The following C8orf34 variants were observed in gnomAD, a reference collection of about 807,000 sequenced individuals.
C8orf34 encodes the protein chromosome 8 open reading frame 34.
A neutral mutation model predicts 68.3 loss-of-function variants in C8orf34; 65 were observed. That is an observed-to-expected ratio of 0.95 (90% CI 0.78 to 1.17). C8orf34 has a LOEUF of 1.17. C8orf34 is among the 50% of genes most tolerant of loss of function. The probability of loss-of-function intolerance (pLI) is 0.00; values close to 1 mark genes in which losing one functional copy is unlikely to be tolerated. For synonymous variants in C8orf34, 244 were observed against 241.2 expected (o/e 1.01, Z -0.11); for missense variants, 664 against 655.4 (o/e 1.01, Z -0.14).
chr8:68,798,021 G>A (rs1422017324), intron 12 of C8orf34, among the ~76,000 whole-genome samples: 2 of 152,016 alleles, frequency 1.3e-5, no homozygotes, highest in African/African-American at 4.8e-5. Flanking sequence ...CATGAAGACA[G>A]CTAGAAAAAT....
chr8:68,690,784 T>C (rs778461270), intron 8 of C8orf34, among the ~76,000 whole-genome samples: 3 of 152,040 alleles, frequency 2.0e-5, no homozygotes, highest in Non-Finnish European at 2.9e-5. Flanking sequence ...CAAAGAAGTA[T>C]CAAAACCTAA....
intron 3 of C8orf34, among the ~76,000 whole-genome samples, chr8:68,453,837 A>G (rs1283176296): frequency 6.6e-6 from 1 of 152,008 alleles, no homozygotes; most frequent in East Asian, 1.9e-4. Flanking sequence ...GCAGGAAGGT[A>G]TCCTTTTCTC....
chr8:68,672,315 G>T (rs1820038571), intron 8 of C8orf34, among the ~76,000 whole-genome samples: 1 of 152,184 alleles, frequency 6.6e-6, no homozygotes, highest in Non-Finnish European at 1.5e-5. Context: ...AATCAGGTGA[G>T]CAATCACAGT....
At chr8:68,680,353 A>G (rs1326672547) in intron 8 of C8orf34, among the ~76,000 whole-genome samples, 3 of 152,308 alleles carry the variant, frequency 2.0e-5, no homozygotes, top group South Asian at 2.1e-4. Flanking sequence ...CACCCCCAAT[A>G]TTTCAATGTA....
chr8:68,676,597 A>G (rs1287528018), intron 8 of C8orf34, among the ~76,000 whole-genome samples: 1 of 152,184 alleles, frequency 6.6e-6, no homozygotes, highest in Non-Finnish European at 1.5e-5. Context: ...TCCTCAGCAC[A>G]TGGAAAAGAC....
rs556873455 is a variant in C8orf34, at chr8:68,537,078, CTTTG to C, written c.1105+3932_1105+3935del. 4.9e-3 allele frequency among the ~76,000 whole-genome samples: 745 copies of C among 152,150 alleles called. 2 individuals carry two copies. Among genetic ancestry groups the C allele is most frequent in the Non-Finnish European group, 8.4e-3 (569 of 67,928 alleles). ...AACTTTTATAAAGTAAATATTCACT[CTTTG>C]TTCTGTTTTTTAAATTGGAGGCTTC... On this transcript the variant is annotated intron_variant, in intron 7 of 13. Coordinates refer to ENST00000518698, the MANE Select transcript of C8orf34 (RefSeq NM_052958.4).
At chr8:68,792,829 T>A (rs1824049456) in intron 12 of C8orf34, among the ~76,000 whole-genome samples, 1 of 151,812 alleles carries the variant, frequency 6.6e-6, no homozygotes, top group Admixed American at 6.6e-5. Context: ...TATAAAGAGA[T>A]GGAAAATTGA....
At chr8:68,419,529 A>G (rs1279756300) in intron 1 of C8orf34, among the ~76,000 whole-genome samples, 1 of 151,970 alleles carries the variant, frequency 6.6e-6, no homozygotes, top group Non-Finnish European at 1.5e-5. Context: ...ACTTGCACAC[A>G]TATGTTTATT....
chr8:68,533,078 C>T lies in C8orf34; in HGVS notation c.1034C>T (p.Ser345Phe), dbSNP rs1283130275. 4 of 1,613,078 alleles carry T rather than the reference C, an allele frequency of 2.5e-6. No homozygotes were observed. The highest frequency in any genetic ancestry group is 3.4e-6 in the Non-Finnish European group (4 of 1,179,344). The change falls in exon 7 of 14, where the codon TCC (serine) becomes TTC (phenylalanine). Residue 345 changes from serine to phenylalanine, a missense_variant. Ser to Phe is a radical substitution (Grantham distance 155, BLOSUM62 -2). Transcript: ENST00000518698. ...ATGCTCTCTCAAGATTCTTTTGAGT[C>T]CATCCACAGCCCTACCCCATCTGTA... ...AAMLSQDSFE[S>F]IHSPTPSVTE...
At chr8:68,747,853 A>G (rs1822557111) in intron 10 of C8orf34, among the ~76,000 whole-genome samples, 1 of 152,022 alleles carries the variant, frequency 6.6e-6, no homozygotes, top group Admixed American at 6.6e-5. Context: ...TCAAGCTACC[A>G]ATGACTTTCT....
At chr8:68,518,640 G>A (rs1212776038) in intron 5 of C8orf34, among the ~76,000 whole-genome samples, 1 of 152,096 alleles carries the variant, frequency 6.6e-6, no homozygotes, top group Non-Finnish European at 1.5e-5. Flanking sequence ...GTTCATGAAT[G>A]TAATCCCAGC....
At chr8:68,775,506 T>A (rs1823489074) in intron 10 of C8orf34, among the ~76,000 whole-genome samples, 1 of 152,066 alleles carries the variant, frequency 6.6e-6, no homozygotes, top group African/African-American at 2.4e-5. Flanking sequence ...AATCTGTGAT[T>A]ACTAGTGCTC....
chr8:68,802,334 A>G (rs1286805197), intron 12 of C8orf34, among the ~76,000 whole-genome samples: 2 of 152,060 alleles, frequency 1.3e-5, no homozygotes, highest in Non-Finnish European at 2.9e-5. Flanking sequence ...TCCCGACCTC[A>G]GGTGATCCAC....
chr8:68,443,709 T>G (rs1023545894), intron 2 of C8orf34, among the ~76,000 whole-genome samples: 4 of 152,188 alleles, frequency 2.6e-5, no homozygotes, highest in Middle Eastern at 6.8e-3. Flanking sequence ...CCCAGCCTGG[T>G]GCATCTTTTA....
At chr8:68,535,954 C>A (rs1438050645) in intron 7 of C8orf34, 3 of 775,570 alleles carry the variant, frequency 3.9e-6, no homozygotes, top group East Asian at 1.3e-4. Flanking sequence ...TATTTTAGTA[C>A]AAATATTTTA....
At chr8:68,452,118 G>A (rs964634381) in intron 3 of C8orf34, among the ~76,000 whole-genome samples, 6 of 151,788 alleles carry the variant, frequency 4.0e-5, no homozygotes, top group Non-Finnish European at 5.9e-5. Context: ...CCATTCATCT[G>A]CTGATGGGTA....
chr8:68,610,813 GA>G lies in C8orf34; in HGVS notation c.1106-29555del, dbSNP rs993222620. On this transcript the variant is annotated intron_variant, in intron 7 of 13. Transcript: ENST00000518698. ...AATGATGAAAAACAAGGATTAACTA[GA>G]AAAAAAATTGGATTAATTCATGTTT... 1.2e-3 allele frequency among the ~76,000 whole-genome samples: 170 copies of G among 144,836 alleles called. 1 individual carries two copies. Among genetic ancestry groups the G allele is most frequent in the African/African-American group, 3.7e-3 (145 of 38,954 alleles).
chr8:68,744,052 G>A (rs922997043), intron 10 of C8orf34, among the ~76,000 whole-genome samples: 59 of 152,302 alleles, frequency 3.9e-4, no homozygotes, highest in African/African-American at 1.3e-3. Flanking sequence ...CGGGCAGACT[G>A]CCTCCTCAAG....
intron 12 of C8orf34, among the ~76,000 whole-genome samples, chr8:68,789,933 A>G (rs1388530869): frequency 6.6e-6 from 1 of 152,218 alleles, no homozygotes; most frequent in East Asian, 1.9e-4. Flanking sequence ...CCATAGAACT[A>G]GAACCAAAAA....
Sources: allele counts gnomAD v4.1 joint callset (sites outside exome capture counted in the v4.1 genomes callset), GRCh38; gene constraint gnomAD v4.1.1; transcripts MANE v1.5; gene names NCBI Gene and HGNC (gene_info 2026-07-23, HGNC 2026-07-21).